The following PDZD2 variants were observed in gnomAD, a reference collection of about 807,000 sequenced individuals.
PDZD2 encodes PDZ domain-containing protein 2.
Under a neutral mutation model 220.7 loss-of-function variants are expected in PDZD2, and 90 were observed. The ratio of observed to expected loss-of-function variants is 0.41; its 90% CI spans 0.34 to 0.49. The LOEUF is 0.49. Among genes scored for constraint, PDZD2 ranks in the 20% least tolerant of loss-of-function variants. The probability of loss-of-function intolerance (pLI) is 0.28; values close to 1 mark genes in which losing one functional copy is unlikely to be tolerated. For missense variants in PDZD2, 3,174 were observed against 3,608.5 expected (o/e 0.88, Z 3.08); for synonymous variants, 1,375 against 1,450.5 (o/e 0.95, Z 1.18).
rs149253876 is a variant in PDZD2, at chr5:32,053,805, A to G, written c.1822A>G (p.Ile608Val). 617 of 1,613,412 alleles carry G rather than the reference A, an allele frequency of 3.8e-4. No homozygotes were observed. The Middle Eastern group carries it at 5.3e-3, about 14-fold the overall frequency. ...GFSIAGGRDCIRGQMGIFVKT... is the reference protein window; with the variant it reads ...GFSIAGGRDCVRGQMGIFVKT... ...TAGTATTGCTGGAGGTCGAGACTGC[A>G]TTCGTGGACAGATGGGGATTTTTGT... Residue 608 changes from isoleucine to valine, a missense_variant, in exon 10 of 25, where the codon ATT becomes GTT. Ile to Val is a conservative substitution (Grantham distance 29, BLOSUM62 3). This residue lies in a region of PDZD2 where 50 missense variants were observed against 109.5 expected (regional missense o/e 0.46). Transcript: ENST00000438447.
chr5:31,791,236 A>T (rs1033578655), intron 1 of PDZD2, among the ~76,000 whole-genome samples: 2 of 152,134 alleles, frequency 1.3e-5, no homozygotes, highest in African/African-American at 2.4e-5. Flanking sequence ...GCAAAGTGAT[A>T]GTTCTCTTTA....
At chr5:32,106,909 C>T (rs573547044) in intron 24 of PDZD2, among the ~76,000 whole-genome samples, 44 of 152,298 alleles carry the variant, frequency 2.9e-4, no homozygotes, top group African/African-American at 1.0e-3. Flanking sequence ...CTAACTGCCT[C>T]TATCATTTAC....
Position 32,107,989 on chromosome 5 carries a change from G to A in PDZD2, c.8374G>A (p.Gly2792Arg). 2 of 1,613,152 alleles carry A rather than the reference G, an allele frequency of 1.2e-6. No individual in the cohort carries two copies. Among genetic ancestry groups the A allele is most frequent in the Non-Finnish European group, 1.7e-6 (2 of 1,179,230 alleles). Residue 2792 changes from glycine to arginine, a missense_variant, in exon 25 of 25, where the codon GGA (glycine) becomes AGA (arginine). Coordinates refer to ENST00000438447, the MANE Select transcript of PDZD2 (RefSeq NM_178140.4). ...VYKGGAAEQAGIIEAGDEILA... is the reference protein window; with the variant it reads ...VYKGGAAEQARIIEAGDEILA... ...CGTAGGTGGTGCGGCTGAACAAGCT[G>A]GAATAATAGAAGCTGGAGATGAAAT...
At chr5:32,058,628 C>G (rs1028786715) in intron 12 of PDZD2, among the ~76,000 whole-genome samples, 2 of 144,818 alleles carry the variant, frequency 1.4e-5, no homozygotes, top group African/African-American at 5.3e-5. Context: ...GAGCCGAGAT[C>G]GTGCCACTGC....
intron 1 of PDZD2, among the ~76,000 whole-genome samples, chr5:31,793,497 G>GC (rs1753835346): frequency 6.6e-6 from 1 of 152,218 alleles, no homozygotes; most frequent in East Asian, 1.9e-4. Flanking sequence ...GAGGCTGACT[G>GC]CCCCATGCAC....
rs143698376 is a variant in PDZD2, at chr5:31,906,266, T to TTTG, written c.477-76868_477-76866dup. 4.3e-3 allele frequency among the ~76,000 whole-genome samples: 621 copies of TTTG among 143,394 alleles called. 4 individuals carry two copies. The highest frequency in any genetic ancestry group is 0.014 in the African/African-American group (561 of 38,964). The allele number at this position is 143,394 out of a possible 152,430, so 94.1% of individuals were successfully genotyped here. A position where few individuals can be genotyped will look rare whatever the true frequency, so the allele number is the denominator to read the frequency against. ...TACCGATGTCCAAATGTTCGCTGATTTTGTTGTTGTTGTTGTTGTTGTTTT... is the reference window on the plus strand; with the variant it reads ...TACCGATGTCCAAATGTTCGCTGATTTTGTTGTTGTTGTTGTTGTTGTTGTTTT... On this transcript the variant is annotated intron_variant, in intron 2 of 24. Transcript: ENST00000438447.
chr5:32,077,305 T>C (rs368695900), intron 18 of PDZD2, 157 bp from the exon 19 acceptor site: 8 of 670,790 alleles, frequency 1.2e-5, no homozygotes, highest in African/African-American at 1.1e-4. Context: ...ATTTAATTCC[T>C]AGCAGACCTT....
chr5:31,845,254 C>G (rs989227592), intron 2 of PDZD2, among the ~76,000 whole-genome samples: 15 of 152,158 alleles, frequency 9.9e-5, no homozygotes, highest in South Asian at 2.1e-4. Context: ...CCTCAACAAG[C>G]CTTTAAGGTA....
chr5:31,908,425 G>T (rs1375517546), intron 2 of PDZD2: 2 of 553,044 alleles, frequency 3.6e-6, no homozygotes, highest in South Asian at 4.4e-5. Flanking sequence ...GGAGATCTCA[G>T]ACTGGCTGTG....
At chr5:31,648,695 C>A (rs985840727) in intron 1 of PDZD2, among the ~76,000 whole-genome samples, 1 of 150,628 alleles carries the variant, frequency 6.6e-6, no homozygotes, top group East Asian at 2.0e-4. Context: ...TTTAATATAG[C>A]AATTTTAGGT....
chr5:31,839,368 C>T (rs1040111402), intron 2 of PDZD2, among the ~76,000 whole-genome samples: 1 of 151,882 alleles, frequency 6.6e-6, no homozygotes, highest in Non-Finnish European at 1.5e-5. Flanking sequence ...TATAAATAAT[C>T]ATGTCAAGGG....
chr5:31,689,351 A>ATTTTTTTTTTCTTTTTTTTT (rs1288275783), intron 1 of PDZD2, among the ~76,000 whole-genome samples: 1 of 28,186 alleles, frequency 3.5e-5, no homozygotes, highest in Non-Finnish European at 5.4e-5. Flanking sequence ...ATATATATAT[A>ATTTTTTTTTTCTTTTTTTTT]TATTTTTTTT....
intron 1 of PDZD2, among the ~76,000 whole-genome samples, chr5:31,680,294 G>A (rs1365131958): frequency 6.6e-6 from 1 of 152,174 alleles, no homozygotes; most frequent in Non-Finnish European, 1.5e-5. Context: ...AAAGGCTCTT[G>A]TCAGATGGAA....
intron 1 of PDZD2, among the ~76,000 whole-genome samples, chr5:31,790,273 T>A (rs971899268): frequency 2.0e-5 from 3 of 152,088 alleles, no homozygotes; most frequent in African/African-American, 7.2e-5. Context: ...AATTTTTGTA[T>A]TTTTAGTAGA....
chr5:31,932,115 G>A (rs1228736348), intron 2 of PDZD2, among the ~76,000 whole-genome samples: 1 of 152,190 alleles, frequency 6.6e-6, no homozygotes, highest in Admixed American at 6.5e-5. Context: ...TTGACTGGGG[G>A]ATGGGAAAAG....
chr5:31,904,613 C>T (rs1201397842), intron 2 of PDZD2, among the ~76,000 whole-genome samples: 4 of 151,972 alleles, frequency 2.6e-5, no homozygotes, highest in Admixed American at 6.6e-5. Flanking sequence ...CTGCAAGCTC[C>T]GCCTCCTGGG....
intron 1 of PDZD2, among the ~76,000 whole-genome samples, chr5:31,779,633 A>C (rs1213515268): frequency 1.3e-5 from 2 of 152,022 alleles, no homozygotes; most frequent in Non-Finnish European, 2.9e-5. Context: ...TCGGCCTCCC[A>C]AAGTGCTGGG....
intron 2 of PDZD2, among the ~76,000 whole-genome samples, chr5:31,970,193 C>T (rs1749173569): frequency 6.6e-6 from 1 of 152,076 alleles, no homozygotes; most frequent in Non-Finnish European, 1.5e-5. Context: ...CCGCGCCCGG[C>T]CCGACTAAAT....
intron 1 of PDZD2, among the ~76,000 whole-genome samples, chr5:31,660,533 G>A (rs1277111279): frequency 6.6e-6 from 1 of 152,138 alleles, no homozygotes; most frequent in African/African-American, 2.4e-5. Context: ...TTCTTCACAA[G>A]GTGGCAGGAG....
Sources: allele counts gnomAD v4.1 joint callset (sites outside exome capture counted in the v4.1 genomes callset), GRCh38; gene constraint gnomAD v4.1.1; regional missense constraint gnomAD v4.1.1; transcripts MANE v1.5; gene names NCBI Gene and HGNC (gene_info 2026-07-23, HGNC 2026-07-21).